HACD2: variants seen among roughly 807,000 people sequenced by gnomAD.
HACD2 encodes the protein very-long-chain (3R)-3-hydroxyacyl-CoA dehydratase 2.
A neutral mutation model predicts 31.0 loss-of-function variants in HACD2; 15 were observed. The observed-to-expected ratio is 0.48, with a 90% confidence interval of 0.32 to 0.75. The LOEUF is 0.75. Among genes scored for constraint, HACD2 ranks in the 30% least tolerant of loss-of-function variants. The probability of loss-of-function intolerance (pLI) is 0.03; values close to 1 mark genes in which losing one functional copy is unlikely to be tolerated. For missense variants in HACD2, 283 were observed against 313.0 expected (o/e 0.90, Z 0.72); for synonymous variants, 115 against 122.2 (o/e 0.94, Z 0.39).
intron 1 of HACD2, among the ~76,000 whole-genome samples, 181 bp from the exon 2 acceptor site, chr3:123,582,510 G>A (rs987654941): frequency 6.6e-6 from 1 of 152,174 alleles, no homozygotes; most frequent in East Asian, 1.9e-4. Flanking sequence ...TTGCAACACC[G>A]ACAGCACCTT....
In HACD2 at chr3:123,582,269, G is replaced by T; in HGVS notation, c.216C>A (p.Ser72Arg). ...RAYLAKGSYH[S>R]LYYSIEKPLK... ...AAGGCTTTTCAATTGAATAATAAAG[G>T]CTATGGTAGCTACCCTTAGCCAGGT... The change falls in exon 2 of 7, where the codon AGC becomes AGA. Residue 72 changes from serine to arginine, a missense_variant. Transcript: ENST00000383657. 1 of 1,608,826 alleles carries T rather than the reference G, an allele frequency of 6.2e-7. No homozygotes were observed.
intron 3 of HACD2, among the ~76,000 whole-genome samples, chr3:123,544,738 C>T (rs2056536643): frequency 6.6e-6 from 1 of 152,018 alleles, no homozygotes; most frequent in Non-Finnish European, 1.5e-5. Flanking sequence ...AGCTAATATA[C>T]TTATTCATAC....
chr3:123,505,400 A>G (rs1197478127), intron 4 of HACD2, among the ~76,000 whole-genome samples: 1 of 152,214 alleles, frequency 6.6e-6, no homozygotes, highest in Non-Finnish European at 1.5e-5. Context: ...GAAGTGGTAA[A>G]ATGGTAAATG....
intron 4 of HACD2, among the ~76,000 whole-genome samples, chr3:123,515,478 T>G (rs1047965452): frequency 6.6e-5 from 10 of 152,182 alleles, no homozygotes; most frequent in African/African-American, 2.4e-4. Context: ...AAATGTGCTC[T>G]GACTCAGCTG....
chr3:123,529,987 T>A (rs2056336040), intron 3 of HACD2, among the ~76,000 whole-genome samples: 1 of 152,198 alleles, frequency 6.6e-6, no homozygotes, highest in Non-Finnish European at 1.5e-5. Flanking sequence ...GCCATTCTTG[T>A]AAAATAATGT....
At chr3:123,533,473 A>C (rs948413491) in intron 3 of HACD2, among the ~76,000 whole-genome samples, 1 of 152,248 alleles carries the variant, frequency 6.6e-6, no homozygotes. Flanking sequence ...CACTTCTTGC[A>C]GTCAATCCCA....
chr3:123,567,861 C>A, intron 2 of HACD2, 81 bp from the exon 3 acceptor site: 2 of 917,558 alleles, frequency 2.2e-6, no homozygotes, highest in Non-Finnish European at 1.6e-6. Context: ...ACTAATGTTT[C>A]AGTAAGAATA....
rs1228387919 is a variant in HACD2, at chr3:123,500,506, T to A, written c.682+9A>T. On this transcript the variant is annotated intron_variant, in intron 6 of 6. Coordinates refer to ENST00000383657, the MANE Select transcript of HACD2 (RefSeq NM_198402.5). ...ACATAATTAAATATACGCATAACTGTTTACTTACTTGGAATGTAGGAGATC... is the reference window on the plus strand; with the variant it reads ...ACATAATTAAATATACGCATAACTGATTACTTACTTGGAATGTAGGAGATC... The A allele has an allele frequency of 6.4e-7, 1 of 1,570,558 alleles. No homozygotes were observed. Among genetic ancestry groups the A allele is most frequent in the Non-Finnish European group, 8.7e-7 (1 of 1,148,620 alleles).
chr3:123,545,716 T>TA (rs2056552494), intron 3 of HACD2, among the ~76,000 whole-genome samples: 1 of 142,256 alleles, frequency 7.0e-6, no homozygotes, highest in East Asian at 2.0e-4. Flanking sequence ...AATAATAAGA[T>TA]TTTTTTTTTT....
rs191304029 is a variant in HACD2, at chr3:123,510,893, G to A, written c.382-8212C>T. Among the ~76,000 whole-genome samples the A allele has an allele frequency of 9.3e-4, 139 of 150,120 alleles. No homozygotes were observed. In the South Asian group the frequency reaches 0.011, roughly 12 times the overall value. On this transcript the variant is annotated intron_variant, in intron 4 of 6. Coordinates refer to ENST00000383657, the MANE Select transcript of HACD2 (RefSeq NM_198402.5). ...TACATTACATCCCTACCAACAGTGC[G>A]CAACAAGAGTTCCAATTTCTCCACT...
intron 3 of HACD2, among the ~76,000 whole-genome samples, chr3:123,532,728 C>T (rs1299224329): frequency 4.1e-5 from 6 of 147,170 alleles, no homozygotes; most frequent in Non-Finnish European, 5.9e-5. Context: ...CCCAGCTACT[C>T]GGGAGGCTGA....
chr3:123,514,153 T>G (rs368985810), intron 4 of HACD2, among the ~76,000 whole-genome samples: 22 of 152,236 alleles, frequency 1.4e-4, no homozygotes, highest in African/African-American at 5.3e-4. Context: ...CAAGCGCCTG[T>G]GGTCCCAGCA....
chr3:123,529,482 T>C (rs1442019421), intron 3 of HACD2, among the ~76,000 whole-genome samples: 2 of 152,176 alleles, frequency 1.3e-5, no homozygotes, highest in Admixed American at 6.5e-5. Flanking sequence ...CCCAACACTC[T>C]GGGAGGCTGA....
intron 4 of HACD2, among the ~76,000 whole-genome samples, chr3:123,514,052 A>T (rs58314378): frequency 0.03 from 4,517 of 152,274 alleles, 249 homozygotes; most frequent in East Asian, 0.25. Context: ...AGGCGGGCGG[A>T]TTGCTTGAGC....
chr3:123,545,826 C>A (rs1316324730), intron 3 of HACD2, among the ~76,000 whole-genome samples: 1 of 151,638 alleles, frequency 6.6e-6, no homozygotes, highest in African/African-American at 2.4e-5. Flanking sequence ...ATTCTCCTGC[C>A]TCAGACTCCT....
chr3:123,575,634 A>C (rs1217534785), intron 2 of HACD2, among the ~76,000 whole-genome samples: 1 of 152,246 alleles, frequency 6.6e-6, no homozygotes, highest in Admixed American at 6.5e-5. Flanking sequence ...ATCTTTGGTA[A>C]GGTGCTTTCA....
intron 4 of HACD2, among the ~76,000 whole-genome samples, chr3:123,518,452 C>T (rs1198694236): frequency 6.6e-6 from 1 of 152,136 alleles, no homozygotes; most frequent in Non-Finnish European, 1.5e-5. Flanking sequence ...ATAGCCTCTG[C>T]TACAGATTGT....
chr3:123,567,622 TAATTTCAGC>T lies in HACD2; in HGVS notation c.292+131_292+139del, dbSNP rs1174158314. On this transcript the variant is annotated intron_variant, in intron 3 of 6. Transcript: ENST00000383657. ...TGATTTCAGAAACTGAAAGCCACTC[TAATTTCAGC>T]AATTTCATACATGATGACTAAATCA... 2.7e-5 allele frequency: 14 copies of T among 522,056 alleles called. 1 individual carries two copies. The East Asian group carries it at 4.7e-4, about 18-fold the overall frequency. The allele number at this position is 522,056 out of a possible 1,614,324, so 32.3% of individuals were successfully genotyped here. A position where few individuals can be genotyped will look rare whatever the true frequency, so the allele number is the denominator to read the frequency against.
At position 123,584,855 on chromosome 3, in the gene HACD2, C is replaced by A; in HGVS notation, c.155+18G>T. ...CCCGGCCGCGCTGGCTCCCCGCCTC[C>A]CCGAGCCCCAGCCTCACCCGGCTGT... On this transcript the variant is annotated intron_variant, in intron 1 of 6. Transcript: ENST00000383657. 1 of 1,485,104 alleles carries A rather than the reference C, an allele frequency of 6.7e-7. No individual in the cohort carries two copies. Among genetic ancestry groups the A allele is most frequent in the Non-Finnish European group, 8.9e-7 (1 of 1,117,402 alleles). The allele number at this position is 1,485,104 out of a possible 1,614,324, so 92.0% of individuals were successfully genotyped here.
Sources: allele counts gnomAD v4.1 joint callset (sites outside exome capture counted in the v4.1 genomes callset), GRCh38; gene constraint gnomAD v4.1.1; transcripts MANE v1.5; gene names NCBI Gene and HGNC (gene_info 2026-07-23, HGNC 2026-07-21).